The following SAXO1 variants were observed in gnomAD, a reference collection of about 807,000 sequenced individuals.
SAXO1 encodes stabilizer of axonemal microtubules 1.
A neutral mutation model predicts 17.5 loss-of-function variants in SAXO1; 21 were observed. The ratio of observed to expected loss-of-function variants is 1.20; its 90% confidence interval spans 0.85 to 1.72. SAXO1 has a LOEUF of 1.72. Among genes scored for constraint, SAXO1 ranks in the 40% most tolerant of loss-of-function variants. The pLI is 0.00. For synonymous variants in SAXO1, 274 were observed against 216.5 expected, an observed-to-expected ratio of 1.27 and a Z score of -2.33; for missense variants, 843 against 596.0, an observed-to-expected ratio of 1.41 and a Z score of -4.32.
At chr9:18,929,929 A>G (rs968152396) in intron 3 of SAXO1, among the ~76,000 whole-genome samples, 2 of 152,214 alleles carry the variant, frequency 1.3e-5, no homozygotes, top group African/African-American at 2.4e-5. Context: ...AAGTCTTTCC[A>G]TACATGATCT....
intron 1 of SAXO1, among the ~76,000 whole-genome samples, chr9:19,014,596 G>C (rs146632752): frequency 1.9e-3 from 294 of 151,532 alleles, no homozygotes; most frequent in African/African-American, 6.9e-3. Context: ...AGTGAAAATA[G>C]AACCAAGTAG....
rs146184503 is a variant in SAXO1 at position 19,015,578 on chromosome 9, G to A, written c.38+17293C>T. Among the ~76,000 whole-genome samples, 1,206 of 151,292 alleles carry A rather than the reference G, an allele frequency of 8.0e-3. 16 individuals carry two copies. The highest frequency in any genetic ancestry group is 0.028 in the African/African-American group (1,145 of 41,234). ...AAGCTGGTCTCAAACTCCTAACCTC[G>A]AGTGATCACCCACTTCTGCCTCCCA... On this transcript the variant is annotated intron_variant, in intron 1 of 3. Coordinates refer to ENST00000380534, the MANE Select transcript of SAXO1 (RefSeq NM_153707.4).
At chr9:18,994,283 C>T (rs1480644161) in intron 1 of SAXO1, among the ~76,000 whole-genome samples, 2 of 152,070 alleles carry the variant, frequency 1.3e-5, no homozygotes, top group East Asian at 3.9e-4. Flanking sequence ...CCACTGAAAC[C>T]TTAGGAAAAT....
chr9:19,046,626 C>G, intron 1 of SAXO1, among the ~76,000 whole-genome samples: 1 of 151,542 alleles, frequency 6.6e-6, no homozygotes, highest in Non-Finnish European at 1.5e-5. Context: ...CGCTTGAACC[C>G]GGCAGGCAGA....
intron 1 of SAXO1, among the ~76,000 whole-genome samples, chr9:18,957,813 A>C (rs1832317224): frequency 6.6e-6 from 1 of 152,214 alleles, no homozygotes; most frequent in Admixed American, 6.5e-5. Flanking sequence ...GGCCTCAGGG[A>C]AAGAGTAAAG....
chr9:19,031,278 AAAG>A (rs1404971075), intron 1 of SAXO1, among the ~76,000 whole-genome samples: 1 of 152,216 alleles, frequency 6.6e-6, no homozygotes, highest in Non-Finnish European at 1.5e-5. Flanking sequence ...ATCCCAGTAG[AAAG>A]AAGGCCTTAG....
intron 1 of SAXO1, among the ~76,000 whole-genome samples, chr9:19,043,101 G>T (rs1836116173): frequency 6.6e-6 from 1 of 151,976 alleles, no homozygotes; most frequent in Non-Finnish European, 1.5e-5. Context: ...GAGCCTGAGA[G>T]GCAGAGGTTG....
chr9:19,020,015 G>T (rs1309313381), intron 1 of SAXO1, among the ~76,000 whole-genome samples: 2 of 129,760 alleles, frequency 1.5e-5, no homozygotes, highest in African/African-American at 5.5e-5. Flanking sequence ...TCACCAGCAG[G>T]TATTATTAAA....
chr9:18,953,105 G>T (rs181894720), intron 1 of SAXO1, among the ~76,000 whole-genome samples: 2 of 152,292 alleles, frequency 1.3e-5, no homozygotes, highest in South Asian at 2.1e-4. Flanking sequence ...ACAAACCTCA[G>T]ATCGAAAGCC....
At chr9:18,961,490 C>T (rs1464529098) in intron 1 of SAXO1, among the ~76,000 whole-genome samples, 1 of 152,010 alleles carries the variant, frequency 6.6e-6, no homozygotes, top group East Asian at 1.9e-4. Flanking sequence ...CCTCCCCTTG[C>T]CCCCACCCCT....
At chr9:18,984,351 G>A (rs1420606697) in intron 1 of SAXO1, among the ~76,000 whole-genome samples, 4 of 152,216 alleles carry the variant, frequency 2.6e-5, no homozygotes. Context: ...AAACTTTGAA[G>A]CCAGGCATTG....
At chr9:18,959,352 A>G (rs1340889051) in intron 1 of SAXO1, among the ~76,000 whole-genome samples, 1 of 152,212 alleles carries the variant, frequency 6.6e-6, no homozygotes, top group Non-Finnish European at 1.5e-5. Context: ...GCAAGAAGGC[A>G]TGATTAAAGA....
intron 1 of SAXO1, among the ~76,000 whole-genome samples, chr9:19,039,334 G>T (rs1836019779): frequency 6.6e-6 from 1 of 152,192 alleles, no homozygotes; most frequent in African/African-American, 2.4e-5. Context: ...TTGTTGGGAT[G>T]TGATTATAAC....
At chr9:19,035,920 G>C (rs932829294), upstream of SAXO1, among the ~76,000 whole-genome samples, 2 of 152,108 alleles carry the variant, frequency 1.3e-5, no homozygotes, top group Non-Finnish European at 2.9e-5. Flanking sequence ...AGTTTTATAA[G>C]GGAAGCAGAG....
At chr9:18,999,437 G>A (rs1360042251) in intron 1 of SAXO1, among the ~76,000 whole-genome samples, 5 of 150,900 alleles carry the variant, frequency 3.3e-5, no homozygotes, top group East Asian at 2.0e-4. Flanking sequence ...AGTGAGGAGC[G>A]CCTCCACCCG....
chr9:19,005,950 A>G (rs1456484963), intron 1 of SAXO1, among the ~76,000 whole-genome samples: 1 of 150,910 alleles, frequency 6.6e-6, no homozygotes, highest in East Asian at 1.9e-4. Flanking sequence ...CAAAAAAAAC[A>G]AACAAACAAC....
chr9:18,927,822 G>C lies in SAXO1; in HGVS notation c.*230C>G, dbSNP rs1830828332. The C allele has an allele frequency of 2.2e-6, 1 of 464,318 alleles. No homozygotes were observed. Among genetic ancestry groups the C allele is most frequent in the Non-Finnish European group, 3.7e-6 (1 of 267,238 alleles). The allele number at this position is 464,318 out of a possible 1,614,324, so 28.8% of individuals were successfully genotyped here. A position where few individuals can be genotyped will look rare whatever the true frequency, so the allele number is the denominator to read the frequency against. ...AGCACAAAGTAAAGGACCTGAAACGGGGTGGGGATGCAGTAAAGGAGAAGG... is the reference window on the plus strand; with the variant it reads ...AGCACAAAGTAAAGGACCTGAAACGCGGTGGGGATGCAGTAAAGGAGAAGG... On this transcript the variant is annotated 3_prime_UTR_variant, in exon 4 of 4. Transcript: ENST00000380534.
intron 1 of SAXO1, among the ~76,000 whole-genome samples, chr9:18,995,541 G>A (rs920802762): frequency 2.0e-5 from 3 of 152,204 alleles, no homozygotes; most frequent in Non-Finnish European, 4.4e-5. Context: ...ACAAGGGGAT[G>A]CTGCTGCTAT....
intron 1 of SAXO1, among the ~76,000 whole-genome samples, chr9:19,047,172 G>A (rs1320073139): frequency 2.6e-5 from 4 of 152,150 alleles, no homozygotes; most frequent in Non-Finnish European, 5.9e-5. Flanking sequence ...AGGCTGCTGA[G>A]CAAGACTCCA....
Sources: allele counts gnomAD v4.1 joint callset (sites outside exome capture counted in the v4.1 genomes callset), GRCh38; gene constraint gnomAD v4.1.1; transcripts MANE v1.5; gene names NCBI Gene and HGNC (gene_info 2026-07-23, HGNC 2026-07-21).